Variants in IGSF9B observed in about 807,000 individuals in gnomAD.
IGSF9B encodes protein turtle homolog B.
Under a neutral mutation model 143.7 loss-of-function variants are expected in IGSF9B, and 48 were observed. That is an observed-to-expected ratio of 0.33 (90% confidence interval 0.26 to 0.42). The LOEUF (loss-of-function observed/expected upper bound fraction) is 0.42, where lower values mean the gene tolerates loss of function less well. IGSF9B is among the 20% of genes least tolerant of loss of function. IGSF9B has a pLI of 1.00. For synonymous variants in IGSF9B, 903 were observed against 833.1 expected (o/e 1.08, Z -1.44); for missense variants, 1,706 against 1,980.0 (o/e 0.86, Z 2.63).
intron 18 of IGSF9B, among the ~76,000 whole-genome samples, chr11:133,918,576 C>G (rs893849840): frequency 6.6e-6 from 1 of 152,166 alleles, no homozygotes; most frequent in Non-Finnish European, 1.5e-5. Flanking sequence ...AGCCCCGCAC[C>G]CCCTTCCTCG....
rs962743955 is a variant in IGSF9B at position 133,945,393 on chromosome 11, A to C, written c.262+668T>G. Among the ~76,000 whole-genome samples, 1 of 152,214 alleles carries C rather than the reference A, an allele frequency of 6.6e-6. No homozygotes were observed. Among genetic ancestry groups the C allele is most frequent in the Non-Finnish European group, 1.5e-5 (1 of 68,038 alleles). On this transcript the variant is annotated intron_variant, in intron 2 of 19. Coordinates refer to ENST00000533871, the MANE Select transcript of IGSF9B (RefSeq NM_001277285.4). This position sits in a 1 kb window ranked among gnomAD's most constrained non-coding sequence, Gnocchi z 4.6. ...ACCTCAGAAGCCACCAGCAAAGATGAAAGTGAAGGCAGTGCCCTGCCTGCT... is the reference window on the plus strand; with the variant it reads ...ACCTCAGAAGCCACCAGCAAAGATGCAAGTGAAGGCAGTGCCCTGCCTGCT...
chr11:133,933,945 T>C (rs1939777214), intron 7 of IGSF9B, among the ~76,000 whole-genome samples: 1 of 152,046 alleles, frequency 6.6e-6, no homozygotes, highest in African/African-American at 2.4e-5. Context: ...GGCCGAGTTA[T>C]ATATTTAGAC....
At chr11:133,929,105 C>A (rs188574735) in intron 12 of IGSF9B, among the ~76,000 whole-genome samples, 595 of 152,264 alleles carry the variant, frequency 3.9e-3, no homozygotes, top group Non-Finnish European at 6.6e-3. Context: ...ATTCTTAAAC[C>A]ACTATGAGTA....
In IGSF9B at chr11:133,919,751, G is replaced by A. The variant is rs1320056598; in HGVS notation, c.3974C>T (p.Pro1325Leu). 1.4e-6 allele frequency: 2 copies of A among 1,462,706 alleles called. No individual in the cohort carries two copies. The highest frequency in any genetic ancestry group is 1.4e-5 in the African/African-American group (1 of 70,320). The allele number at this position is 1,462,706 out of a possible 1,614,324, so 90.6% of individuals were successfully genotyped here. ...GAGGCGGCGCACTCACCCTGAAGTA[G>A]GTAACGTGGGTGGTGGGGTCTCCGG... ...LRPETPPPTL[P>L]TSGTLPPAPG... Residue 1325 changes from proline to leucine, a missense_variant, in exon 18 of 20, where the codon CCT (proline) becomes CTT (leucine). Physicochemically the swap from Pro to Leu is moderately conservative, Grantham distance 98 (BLOSUM62 -3). Around this residue, in one of 7 missense-constraint regions of IGSF9B, gnomAD observed 880 missense variants for 762.9 expected, o/e 1.15. Coordinates refer to ENST00000533871, the MANE Select transcript of IGSF9B (RefSeq NM_001277285.4).
chr11:133,922,099 G>T lies in IGSF9B; in HGVS notation c.2327+78C>A, dbSNP rs897122662. 2.5e-6 allele frequency: 3 copies of T among 1,195,022 alleles called. No homozygotes were observed. In the African/African-American group the frequency reaches 4.5e-5, roughly 18 times the overall value. 74.0% of individuals were successfully genotyped at this position (1,195,022 alleles called of 1,614,324 possible). A position where few individuals can be genotyped will look rare whatever the true frequency, so the allele number is the denominator to read the frequency against. On this transcript the variant is annotated intron_variant, in intron 17 of 19. Transcript: ENST00000533871. ...AAATGGCTTAGAAACACTAACATGG[G>T]GCTGGGTAAGGCGAGCGGTCTACCT...
chr11:133,926,804 G>A (rs1488805463), intron 13 of IGSF9B, 112 bp downstream of exon 13: 5 of 851,498 alleles, frequency 5.9e-6, no homozygotes, highest in Non-Finnish European at 9.2e-6. Context: ...CGGCTCTGTG[G>A]AGCACTCAGC....
At chr11:133,919,065 G>T in intron 18 of IGSF9B, 2 of 500,202 alleles carry the variant, frequency 4.0e-6, no homozygotes, top group Non-Finnish European at 4.1e-6. Flanking sequence ...GCTCTCTCAG[G>T]CGGGCTGGTC....
At chr11:133,943,709 C>T (rs940530181) in intron 3 of IGSF9B, among the ~76,000 whole-genome samples, 2 of 152,214 alleles carry the variant, frequency 1.3e-5, no homozygotes, top group African/African-American at 4.8e-5. Context: ...GTCTGCTTGC[C>T]AGTGTTTATC....
intron 7 of IGSF9B, among the ~76,000 whole-genome samples, chr11:133,934,674 G>A: frequency 6.6e-6 from 1 of 152,152 alleles, no homozygotes; most frequent in Non-Finnish European, 1.5e-5. Flanking sequence ...ACCAGTGGTG[G>A]AATGTCCACA....
At chr11:133,939,382 T>C (rs1277612370) in intron 3 of IGSF9B, among the ~76,000 whole-genome samples, 3 of 152,268 alleles carry the variant, frequency 2.0e-5, no homozygotes, top group Non-Finnish European at 4.4e-5. Context: ...TCTGTGTGTT[T>C]ACCTGTTTCT....
At chr11:133,934,849 G>A (rs1039215001) in intron 7 of IGSF9B, among the ~76,000 whole-genome samples, 6 of 152,208 alleles carry the variant, frequency 3.9e-5, no homozygotes, top group South Asian at 2.1e-4. Flanking sequence ...CACACCAGCC[G>A]GGAAATGAGG....
Position 133,922,688 on chromosome 11 carries a change from C to T in IGSF9B, c.2162G>A (p.Arg721Gln), listed in dbSNP as rs961821257. 2.5e-6 allele frequency: 4 copies of T among 1,587,526 alleles called. No homozygotes were observed. Among genetic ancestry groups the T allele is most frequent in the Non-Finnish European group, 2.6e-6 (3 of 1,167,982 alleles). The change falls in exon 16 of 20, where the codon CGG (arginine) becomes CAG (glutamine). Residue 721 changes from arginine (R) to glutamine (Q), a missense_variant. Physicochemically the swap from Arg to Gln is conservative, Grantham distance 43. Coordinates refer to ENST00000533871, the MANE Select transcript of IGSF9B (RefSeq NM_001277285.4). Reference protein sequence around the residue: ...QPDLTEDGLARPVLAGIVATI... With the variant: ...QPDLTEDGLAQPVLAGIVATI... ...AGCTACGATTCCCGCCAGCACAGGC[C>T]GCGCCAGCCCATCCTCGGTCAGGTC...
rs59414581 is a variant in IGSF9B at position 133,948,617 on chromosome 11, CTGTGTGTGTG to C, written c.65-2369_65-2360del. 0.049 allele frequency among the ~76,000 whole-genome samples: 6,895 copies of C among 140,960 alleles called. 172 individuals carry two copies. The highest frequency in any genetic ancestry group is 0.062 in the Middle Eastern group (18 of 288). 92.5% of individuals were successfully genotyped at this position (140,960 alleles called of 152,430 possible). ...TGGGTGCCATGAGTTTGCAGAGAAG[CTGTGTGTGTG>C]TGTGTGTGTGTGTGTGTGTGTGTGT... On this transcript the variant is annotated intron_variant, in intron 1 of 19. Coordinates refer to ENST00000533871, the MANE Select transcript of IGSF9B (RefSeq NM_001277285.4). This position sits in a 1 kb window ranked among gnomAD's most constrained non-coding sequence, Gnocchi z 4.7.
chr11:133,912,389 T>C (rs1367538323), intron 18 of IGSF9B: 1 of 464,928 alleles, frequency 2.2e-6, no homozygotes, highest in Non-Finnish European at 4.3e-6. Context: ...ATCAAGACCT[T>C]TGAATGGAAA....
chr11:133,956,679 A>C lies in IGSF9B; in HGVS notation c.64+12T>G. ...GGGAGGGGCAGGGGAGGGACGCCGC[A>C]CTTCAACTCACCTTCAGCCGCAAGC... On this transcript the variant is annotated intron_variant, in intron 1 of 19. Coordinates refer to ENST00000533871, the MANE Select transcript of IGSF9B (RefSeq NM_001277285.4). The C allele has an allele frequency of 6.5e-7, 1 of 1,531,178 alleles. No homozygotes were observed. Among genetic ancestry groups the C allele is most frequent in the Non-Finnish European group, 8.8e-7 (1 of 1,137,762 alleles). 94.8% of individuals were successfully genotyped at this position (1,531,178 alleles called of 1,614,324 possible). A position where few individuals can be genotyped will look rare whatever the true frequency, so the allele number is the denominator to read the frequency against.
chr11:133,918,095 G>T (rs987531769), intron 18 of IGSF9B, among the ~76,000 whole-genome samples: 1 of 151,844 alleles, frequency 6.6e-6, no homozygotes, highest in Non-Finnish European at 1.5e-5. Context: ...AGCGTGGCTC[G>T]ATGTGGGGAA....
At chr11:133,941,640 G>A (rs1939957183) in intron 3 of IGSF9B, among the ~76,000 whole-genome samples, 2 of 152,194 alleles carry the variant, frequency 1.3e-5, no homozygotes, top group South Asian at 4.1e-4. Flanking sequence ...CTGTGCGCAG[G>A]TAGGTGCCTT....
Position 133,906,506 on chromosome 11 carries a change from C to T in IGSF9B, c.*2563G>A, listed in dbSNP as rs970478601. Among the ~76,000 whole-genome samples, 2 of 152,194 alleles carry T rather than the reference C, an allele frequency of 1.3e-5. No homozygotes were observed. Among genetic ancestry groups the T allele is most frequent in the Admixed American group, 6.5e-5 (1 of 15,282 alleles). On this transcript the variant is annotated 3_prime_UTR_variant, in exon 20 of 20. Coordinates refer to ENST00000533871, the MANE Select transcript of IGSF9B (RefSeq NM_001277285.4). ...GCCACTCGGTGACCAGCGAAAAGCA[C>T]GGCTCCCCGCGTTGGGTCTACGTGC...
intron 7 of IGSF9B, 138 bp from the exon 8 acceptor site, chr11:133,932,351 G>GACAC: frequency 2.3e-6 from 2 of 851,106 alleles, no homozygotes; most frequent in South Asian, 1.7e-5. Context: ...CAGACAGACA[G>GACAC]ACACAGGGAC....
Sources: allele counts gnomAD v4.1 joint callset (sites outside exome capture counted in the v4.1 genomes callset), GRCh38; gene constraint gnomAD v4.1.1; regional missense constraint gnomAD v4.1.1; non-coding constraint Gnocchi (gnomAD v3.1); transcripts MANE v1.5; gene names NCBI Gene and HGNC (gene_info 2026-07-23, HGNC 2026-07-21).